Variants in CNTN4 observed in about 807,000 individuals in gnomAD.
CNTN4 encodes contactin-4.
Under a neutral mutation model 122.5 loss-of-function variants are expected in CNTN4, and 77 were observed. The ratio of observed to expected loss-of-function variants is 0.63; its 90% CI spans 0.52 to 0.76. The LOEUF (loss-of-function observed/expected upper bound fraction) is 0.76, where lower values mean the gene tolerates loss of function less well. CNTN4 is among the 30% of genes least tolerant of loss of function. The pLI, the probability that CNTN4 is intolerant of heterozygous loss-of-function variation, is 0.00. For synonymous variants in CNTN4, 512 were observed against 447.0 expected, an observed-to-expected ratio of 1.15 and a Z score of -1.83; for missense variants, 1,256 against 1,259.1, an observed-to-expected ratio of 1.00 and a Z score of 0.04.
At chr3:2,962,702 G>T (rs2094874270) in intron 13 of CNTN4, among the ~76,000 whole-genome samples, 1 of 152,186 alleles carries the variant, frequency 6.6e-6, no homozygotes, top group South Asian at 2.1e-4. Flanking sequence ...GGGAAAGGGA[G>T]GGCCTCTGAC....
chr3:3,009,875 T>C (rs376594650), intron 14 of CNTN4, among the ~76,000 whole-genome samples: 1 of 151,314 alleles, frequency 6.6e-6, no homozygotes, highest in African/African-American at 2.4e-5. Flanking sequence ...ATGAAGTTCA[T>C]TGACTAAGAA....
chr3:3,025,250 G>T (rs529078927), intron 14 of CNTN4, among the ~76,000 whole-genome samples: 1 of 152,030 alleles, frequency 6.6e-6, no homozygotes, highest in African/African-American at 2.4e-5. Context: ...ATTTTAAAGC[G>T]AATTGATGGT....
intron 3 of CNTN4, among the ~76,000 whole-genome samples, chr3:2,352,118 C>T (rs987369239): frequency 5.9e-5 from 9 of 152,052 alleles, no homozygotes; most frequent in African/African-American, 9.7e-5. Flanking sequence ...AGGTCTGGTG[C>T]GGTTGCTCAT....
intron 4 of CNTN4, among the ~76,000 whole-genome samples, chr3:2,685,858 T>A (rs750288327): frequency 7.2e-5 from 11 of 152,168 alleles, no homozygotes; most frequent in Non-Finnish European, 1.6e-4. Flanking sequence ...TGCCATTATG[T>A]TTCTATTCCA....
chr3:2,359,739 T>C (rs1013066898), intron 3 of CNTN4, among the ~76,000 whole-genome samples: 3 of 152,020 alleles, frequency 2.0e-5, no homozygotes, highest in African/African-American at 7.2e-5. Flanking sequence ...CAGGGTTTCA[T>C]CGTCTTAGCC....
intron 7 of CNTN4, among the ~76,000 whole-genome samples, chr3:2,825,953 C>T (rs1400207): frequency 6.6e-6 from 1 of 151,928 alleles, no homozygotes; most frequent in Non-Finnish European, 1.5e-5. Flanking sequence ...CCTTCGAACA[C>T]GAACATCTGT....
chr3:2,427,857 G>C (rs929552967), intron 3 of CNTN4, among the ~76,000 whole-genome samples: 1 of 151,838 alleles, frequency 6.6e-6, no homozygotes, highest in Non-Finnish European at 1.5e-5. Context: ...ATCTTTGTTG[G>C]TTTAAAGTCT....
chr3:2,711,152 C>G (rs2087123694), intron 4 of CNTN4, among the ~76,000 whole-genome samples: 2 of 152,170 alleles, frequency 1.3e-5, no homozygotes, highest in South Asian at 4.1e-4. Flanking sequence ...GTGTCACACA[C>G]AGCAAGAGGG....
intron 2 of CNTN4, among the ~76,000 whole-genome samples, chr3:2,319,211 ATATT>A (rs1195945140): frequency 2.6e-4 from 39 of 152,292 alleles, no homozygotes; most frequent in African/African-American, 9.4e-4. Flanking sequence ...TATTTTATAT[ATATT>A]ATTTAACATT....
In CNTN4 at chr3:2,668,108, G is replaced by T. The variant is rs186429064; in HGVS notation, c.56-68107G>T. Among the ~76,000 whole-genome samples the T allele has an allele frequency of 9.7e-3, 1,474 of 152,216 alleles. 24 individuals are homozygous for T. The highest frequency in any genetic ancestry group is 0.034 in the African/African-American group (1,395 of 41,538). ...TTGGTTCCATATGAACTTTAAAGTA[G>T]TTTTTTCCAATTCTGTGAAGAAAGT... On this transcript the variant is annotated intron_variant, in intron 4 of 24. Transcript: ENST00000418658.
chr3:2,277,633 T>A (rs936736226), intron 2 of CNTN4, among the ~76,000 whole-genome samples: 5 of 152,204 alleles, frequency 3.3e-5, no homozygotes, highest in African/African-American at 1.2e-4. Flanking sequence ...GCATAACTAT[T>A]CAGGTTTCCC....
In CNTN4 at chr3:2,359,547, G is replaced by A. The variant is rs779286426; in HGVS notation, c.-89+20314G>A. On this transcript the variant is annotated intron_variant, in intron 3 of 24. Transcript: ENST00000418658. ...AATCATGTATATATGATTTTGTTTT[G>A]TTTTGTTTTTGAGACAGAATCTCGC... Among the ~76,000 whole-genome samples the A allele has an allele frequency of 1.4e-4, 21 of 152,136 alleles. 1 individual carries two copies. Among genetic ancestry groups the A allele is most frequent in the Non-Finnish European group, 1.3e-4 (9 of 67,980 alleles).
chr3:2,266,581 G>T (rs773251033), intron 2 of CNTN4, among the ~76,000 whole-genome samples: 29 of 152,032 alleles, frequency 1.9e-4, no homozygotes, highest in Non-Finnish European at 3.8e-4. Flanking sequence ...TGTGATTGAG[G>T]TGCCTGTATA....
chr3:2,348,748 C>T lies in CNTN4; in HGVS notation c.-89+9515C>T, dbSNP rs530663175. Among the ~76,000 whole-genome samples the T allele has an allele frequency of 2.4e-4, 37 of 152,274 alleles. No homozygotes were observed. The South Asian group carries it at 5.0e-3, about 20-fold the overall frequency. On this transcript the variant is annotated intron_variant, in intron 3 of 24. Coordinates refer to ENST00000418658, the MANE Select transcript of CNTN4 (RefSeq NM_175607.3). ...AGCCTATAAAAAATTATTCAAGTTG[C>T]ATTATCCACAATGCTCTTTTAACCC...
At chr3:2,952,141 A>G (rs1162407707) in intron 13 of CNTN4, among the ~76,000 whole-genome samples, 1 of 152,218 alleles carries the variant, frequency 6.6e-6, no homozygotes, top group African/African-American at 2.4e-5. Flanking sequence ...ATACTTAGAA[A>G]AAGAAAGAGG....
At chr3:2,258,195 A>G (rs775881931) in intron 2 of CNTN4, among the ~76,000 whole-genome samples, 1 of 152,208 alleles carries the variant, frequency 6.6e-6, no homozygotes, top group Non-Finnish European at 1.5e-5. Context: ...CAATTCCTCA[A>G]GGATCTAGAA....
At chr3:2,490,443 GT>G (rs1202144812) in intron 3 of CNTN4, among the ~76,000 whole-genome samples, 1 of 152,150 alleles carries the variant, frequency 6.6e-6, no homozygotes, top group African/African-American at 2.4e-5. Context: ...AGCTGTAAGA[GT>G]TTTTAGTGGC....
chr3:2,162,597 G>A (rs1000750816), intron 2 of CNTN4, among the ~76,000 whole-genome samples: 4 of 152,130 alleles, frequency 2.6e-5, no homozygotes, highest in Non-Finnish European at 5.9e-5. Flanking sequence ...GTTCTGACCT[G>A]TTTATTGACT....
intron 2 of CNTN4, among the ~76,000 whole-genome samples, chr3:2,181,175 GA>G (rs1336677763): frequency 6.6e-6 from 1 of 151,872 alleles, no homozygotes; most frequent in African/African-American, 2.4e-5. Flanking sequence ...ATGCATTATT[GA>G]AAAAAATATA....
Sources: allele counts gnomAD v4.1 joint callset (sites outside exome capture counted in the v4.1 genomes callset), GRCh38; gene constraint gnomAD v4.1.1; transcripts MANE v1.5; gene names NCBI Gene and HGNC (gene_info 2026-07-23, HGNC 2026-07-21).